The following DNAH9 variants were observed in gnomAD, a reference collection of about 807,000 sequenced individuals.
DNAH9 encodes dynein axonemal heavy chain 9, also known as DNAH9 variant protein.
A neutral mutation model predicts 471.6 loss-of-function variants in DNAH9; 345 were observed. The ratio of observed to expected loss-of-function variants is 0.73; its 90% confidence interval spans 0.67 to 0.80. The LOEUF (loss-of-function observed/expected upper bound fraction) is 0.80. Ranked by LOEUF, DNAH9 falls within the 30% of genes least tolerant of loss-of-function variation. DNAH9 has a pLI of 0.00. For synonymous variants in DNAH9, 2,093 were observed against 2,123.6 expected, an observed-to-expected ratio of 0.99 and a Z score of 0.40; for missense variants, 5,407 against 5,609.2, an observed-to-expected ratio of 0.96 and a Z score of 1.15.
chr17:11,784,665 C>A, intron 41 of DNAH9, 126 bp downstream of exon 41: 1 of 1,351,974 alleles, frequency 7.4e-7, no homozygotes, highest in Non-Finnish European at 1.0e-6. Context: ...CATATGTAAT[C>A]ATGAACATAA....
intron 22 of DNAH9, among the ~76,000 whole-genome samples, chr17:11,697,693 T>C (rs2074500626): frequency 6.6e-6 from 1 of 152,190 alleles, no homozygotes; most frequent in Admixed American, 6.5e-5. Context: ...ACATGCTATA[T>C]ACATTACCTT....
chr17:11,719,657 A>C (rs2150802189), intron 27 of DNAH9, among the ~76,000 whole-genome samples, 167 bp downstream of exon 27: 1 of 152,050 alleles, frequency 6.6e-6, no homozygotes, highest in East Asian at 1.9e-4. Context: ...GGACGTTTGA[A>C]CCCTGGAGTT....
At chr17:11,927,811 C>G (rs975959968) in intron 62 of DNAH9, among the ~76,000 whole-genome samples, 6 of 152,140 alleles carry the variant, frequency 3.9e-5, no homozygotes, top group Admixed American at 2.6e-4. Flanking sequence ...GGGGCAGCCT[C>G]GAGGATCTCT....
intron 14 of DNAH9, among the ~76,000 whole-genome samples, chr17:11,655,662 A>C (rs1047699360): frequency 6.6e-6 from 1 of 150,690 alleles, no homozygotes; most frequent in Non-Finnish European, 1.5e-5. Context: ...ACACACACAC[A>C]CCATGGAATG....
chr17:11,779,583 C>T (rs1968593613), intron 38 of DNAH9, among the ~76,000 whole-genome samples: 1 of 152,168 alleles, frequency 6.6e-6, no homozygotes, highest in South Asian at 2.1e-4. Context: ...GCTTAATCAA[C>T]CCAAATTACA....
rs774732755 is a variant in DNAH9, at chr17:11,937,541, G to A, written c.12660+19G>A. 1.3e-6 allele frequency: 2 copies of A among 1,588,240 alleles called. No homozygotes were observed. The highest frequency in any genetic ancestry group is 2.2e-5 in the East Asian group (1 of 44,488). On this transcript the variant is annotated intron_variant, in intron 66 of 68. Coordinates refer to ENST00000262442, the MANE Select transcript of DNAH9 (RefSeq NM_001372.4). The surrounding 1 kb of genome is among the most constrained non-coding windows in gnomAD (Gnocchi z 4.1). ...AGAAAAGGTGTGTGTGGTGGGGACT[G>A]CCTGAGGTCGTTCTGGGGGACCCCG... is the stretch of plus-strand genomic sequence containing the variant.
rs1038258576 is a variant in DNAH9 at position 11,937,307 on chromosome 17, G to T, written c.12490-45G>T. ...GACAAGCCGGTGTGGGAGATGGGAG[G>T]TACGTCCTGGTTTCTTTTTAAGTGA... is the stretch of plus-strand genomic sequence containing the variant. On this transcript the variant is annotated intron_variant, in intron 65 of 68. Coordinates refer to ENST00000262442, the MANE Select transcript of DNAH9 (RefSeq NM_001372.4). The surrounding 1 kb of genome is among the most constrained non-coding windows in gnomAD (Gnocchi z 4.1). The T allele has an allele frequency of 3.2e-6, 5 of 1,563,824 alleles. No individual in the cohort carries two copies. The highest frequency in any genetic ancestry group is 2.7e-5 in the African/African-American group (2 of 73,874).
At chr17:11,799,629 C>A (rs1207408941) in intron 43 of DNAH9, among the ~76,000 whole-genome samples, 6 of 152,168 alleles carry the variant, frequency 3.9e-5, no homozygotes, top group African/African-American at 1.4e-4. Flanking sequence ...CTCTGTCACC[C>A]AGGCTGAAGT....
At chr17:11,606,001 CT>C (rs1311010080) in intron 1 of DNAH9, among the ~76,000 whole-genome samples, 2 of 121,292 alleles carry the variant, frequency 1.6e-5, no homozygotes, top group Non-Finnish European at 4.0e-5. Flanking sequence ...GATAGAGTCC[CT>C]GCCTTTGAGA....
At chr17:11,886,754 G>A in intron 56 of DNAH9, 71 bp from the exon 57 acceptor site, 1 of 1,536,156 alleles carries the variant, frequency 6.5e-7, no homozygotes, top group East Asian at 2.3e-5. Flanking sequence ...TACTCACACA[G>A]AGGGGCCAAG....
chr17:11,687,602 CTAGT>C (rs1012761305), intron 19 of DNAH9, among the ~76,000 whole-genome samples: 4 of 152,140 alleles, frequency 2.6e-5, no homozygotes, highest in Non-Finnish European at 5.9e-5. Context: ...GGCCGATTCT[CTAGT>C]TAGTCATTTC....
chr17:11,893,133 C>A (rs1973104489), intron 58 of DNAH9, among the ~76,000 whole-genome samples: 1 of 138,748 alleles, frequency 7.2e-6, no homozygotes, highest in African/African-American at 2.6e-5. Flanking sequence ...ACCCCTCTCA[C>A]CCCCTATATT....
chr17:11,663,836 C>G (rs2073819046), intron 14 of DNAH9, among the ~76,000 whole-genome samples: 1 of 152,188 alleles, frequency 6.6e-6, no homozygotes, highest in Non-Finnish European at 1.5e-5. Context: ...TGTCTTGTCA[C>G]TGTGTTGTGA....
chr17:11,904,630 CAAAAAAAAAAAAAAA>C (rs202059757), intron 60 of DNAH9, among the ~76,000 whole-genome samples: 19 of 111,428 alleles, frequency 1.7e-4, no homozygotes, highest in Admixed American at 2.6e-4. Flanking sequence ...GACTCCATCT[CAAAAAAAAAAAAAAA>C]AAAAAAAAAA....
rs11649836 is a variant in DNAH9, at chr17:11,623,487, C to T, written c.1350+3706C>T. On this transcript the variant is annotated intron_variant, in intron 6 of 68. Transcript: ENST00000262442. This position sits in a 1 kb window ranked among gnomAD's most constrained non-coding sequence, Gnocchi z 4.1. The stretch of plus-strand genomic sequence containing the variant: ...TCCTCCCCTCTTTTATTTTTAATCT[C>T]CCAAATGTCTGCTTAGATGCATCGC... 0.19 allele frequency among the ~76,000 whole-genome samples: 29,107 copies of T among 152,072 alleles called. 2,949 individuals are homozygous for T. Among genetic ancestry groups the T allele is most frequent in the Middle Eastern group, 0.31 (91 of 294 alleles).
chr17:11,726,464 T>A (rs542227477), intron 27 of DNAH9, among the ~76,000 whole-genome samples: 2 of 152,136 alleles, frequency 1.3e-5, no homozygotes, highest in African/African-American at 4.8e-5. Context: ...AGCCCTTTCT[T>A]CGAAGAGCAT....
intron 48 of DNAH9, among the ~76,000 whole-genome samples, chr17:11,829,670 G>T (rs1970621536): frequency 6.6e-6 from 1 of 152,042 alleles, no homozygotes; most frequent in Admixed American, 6.6e-5. Context: ...TGGGGGTCTC[G>T]CCATGCCGGC....
chr17:11,749,479 T>TA (rs1294919620), intron 32 of DNAH9, among the ~76,000 whole-genome samples: 3 of 152,074 alleles, frequency 2.0e-5, no homozygotes, highest in African/African-American at 7.2e-5. Context: ...ATAGACACTT[T>TA]ATTCTCCCAT....
In DNAH9 at chr17:11,834,774, A is replaced by C. The variant is rs762714759; in HGVS notation, c.9383A>C (p.Glu3128Ala). 7.4e-6 allele frequency: 12 copies of C among 1,614,154 alleles called. No individual in the cohort carries two copies. The South Asian group carries it at 1.3e-4, about 18-fold the overall frequency. Residue 3128 changes from glutamate to alanine, a missense_variant, in exon 49 of 69, where the codon GAG (glutamate) becomes GCG (alanine). Around this residue, in one of 3 missense-constraint regions of DNAH9, gnomAD observed 4,636 missense variants for 4,900.3 expected, o/e 0.95. Coordinates refer to ENST00000262442, the MANE Select transcript of DNAH9 (RefSeq NM_001372.4). Reference sequence around the variant, plus strand: ...AGAGAGAAAGCCATGGCAGATGAAGAGGAGCAGAAGGTGGCCGTCATCATG... The same window carrying C: ...AGAGAGAAAGCCATGGCAGATGAAGCGGAGCAGAAGGTGGCCGTCATCATG... ...VSREKAMADE[E>A]EQKVAVIMLE...
Sources: allele counts gnomAD v4.1 joint callset (sites outside exome capture counted in the v4.1 genomes callset), GRCh38; gene constraint gnomAD v4.1.1; regional missense constraint gnomAD v4.1.1; non-coding constraint Gnocchi (gnomAD v3.1); transcripts MANE v1.5; gene names NCBI Gene and HGNC (gene_info 2026-07-23, HGNC 2026-07-21).